Variants in SPAG16 observed in about 807,000 individuals in gnomAD.
The protein encoded by SPAG16 is sperm-associated antigen 16 protein.
SPAG16 carries 86 observed loss-of-function variants against 80.4 expected under a neutral mutation model. The ratio of observed to expected loss-of-function variants is 1.07; its 90% confidence interval spans 0.90 to 1.28. The LOEUF is 1.28. Ranked by LOEUF, SPAG16 falls within the 50% of genes most tolerant of loss-of-function variation. The pLI, the probability that SPAG16 is intolerant of heterozygous loss-of-function variation, is 0.00. For missense variants in SPAG16, 870 were observed against 765.3 expected (o/e 1.14, Z -1.61); for synonymous variants, 294 against 265.9 (o/e 1.11, Z -1.03).
At chr2:213,543,722 T>C (rs2076527273) in intron 10 of SPAG16, among the ~76,000 whole-genome samples, 1 of 152,008 alleles carries the variant, frequency 6.6e-6, no homozygotes, top group Non-Finnish European at 1.5e-5. Context: ...GTTGGTATAA[T>C]GAGCCTCCCC....
intron 9 of SPAG16, among the ~76,000 whole-genome samples, chr2:213,477,871 A>C (rs2125685119): frequency 6.6e-6 from 1 of 152,254 alleles, no homozygotes; most frequent in African/African-American, 2.4e-5. Flanking sequence ...GCAGAATGAT[A>C]TGGTTAGTTT....
At chr2:213,358,347 A>T (rs897465964) in intron 7 of SPAG16, among the ~76,000 whole-genome samples, 1 of 152,122 alleles carries the variant, frequency 6.6e-6, no homozygotes, top group Non-Finnish European at 1.5e-5. Context: ...TATCCTGAAG[A>T]GTGTTTTCTA....
chr2:213,878,126 G>A (rs996228968), intron 11 of SPAG16, among the ~76,000 whole-genome samples: 2 of 151,998 alleles, frequency 1.3e-5, no homozygotes, highest in Non-Finnish European at 2.9e-5. Context: ...TACTCATTTT[G>A]AATTCTCTCT....
intron 12 of SPAG16, among the ~76,000 whole-genome samples, chr2:213,949,179 T>TTTTTTTTTTTGTTTTTTTG (rs1553677669): frequency 5.5e-5 from 2 of 36,264 alleles, no homozygotes; most frequent in African/African-American, 1.6e-4. Context: ...GTTTTTTTTT[T>TTTTTTTTTTTGTTTTTTTG]TTTTTTTTTT....
At chr2:213,493,881 A>G (rs1156331525) in intron 10 of SPAG16, among the ~76,000 whole-genome samples, 1 of 152,188 alleles carries the variant, frequency 6.6e-6, no homozygotes, top group Non-Finnish European at 1.5e-5. Flanking sequence ...GGAGGCTGAC[A>G]AAAGTGCGGA....
chr2:214,284,409 T>C (rs148873549), intron 15 of SPAG16, among the ~76,000 whole-genome samples: 129 of 152,290 alleles, frequency 8.5e-4, no homozygotes, highest in African/African-American at 2.6e-3. Flanking sequence ...ATTTATATAG[T>C]ATTTCTCCTT....
At chr2:214,044,493 T>C (rs568598721) in intron 13 of SPAG16, among the ~76,000 whole-genome samples, 1 of 152,192 alleles carries the variant, frequency 6.6e-6, no homozygotes, top group African/African-American at 2.4e-5. Flanking sequence ...TGGAAGAATA[T>C]AAAGCTTCAT....
chr2:213,867,926 C>CAAAAAAAAAAAAAAAA (rs35795865), intron 11 of SPAG16, among the ~76,000 whole-genome samples: 6 of 45,872 alleles, frequency 1.3e-4, no homozygotes, highest in South Asian at 1.8e-3. Flanking sequence ...TCTGTCTCAA[C>CAAAAAAAAAAAAAAAA]AAAAAAAAAA....
Position 213,409,037 on chromosome 2 carries a change from GA to G in SPAG16, c.942+33928del, listed in dbSNP as rs1174706687. ...AAAAAGAATGGTTATCTTCAAGAGGGAAAAAAAAAAGTGGGGTGGGAGAATT... is the reference window on the plus strand; with the variant it reads ...AAAAAGAATGGTTATCTTCAAGAGGGAAAAAAAAAGTGGGGTGGGAGAATT... On this transcript the variant is annotated intron_variant, in intron 9 of 15. Transcript: ENST00000331683. Among the ~76,000 whole-genome samples the G allele has an allele frequency of 4.8e-3, 691 of 144,972 alleles. 5 individuals are homozygous for G. Among genetic ancestry groups the G allele is most frequent in the African/African-American group, 0.015 (601 of 39,678 alleles).
At chr2:213,926,799 C>T (rs1456730622) in intron 11 of SPAG16, among the ~76,000 whole-genome samples, 1 of 152,116 alleles carries the variant, frequency 6.6e-6, no homozygotes, top group South Asian at 2.1e-4. Flanking sequence ...GTCATGGCTT[C>T]TTATTTCCCA....
At chr2:213,834,758 A>G (rs1409891997) in intron 10 of SPAG16, among the ~76,000 whole-genome samples, 2 of 152,122 alleles carry the variant, frequency 1.3e-5, no homozygotes, top group East Asian at 3.8e-4. Context: ...TTGGGGTATC[A>G]TTTTCTGAGT....
intron 11 of SPAG16, among the ~76,000 whole-genome samples, chr2:213,907,006 A>T (rs2077460015): frequency 6.6e-6 from 1 of 152,214 alleles, no homozygotes; most frequent in South Asian, 2.1e-4. Context: ...AAAAGTAGAC[A>T]GATGGGTCTA....
At chr2:213,604,272 T>G (rs933631810) in intron 10 of SPAG16, among the ~76,000 whole-genome samples, 1 of 152,220 alleles carries the variant, frequency 6.6e-6, no homozygotes, top group African/African-American at 2.4e-5. Flanking sequence ...ATTTAAATTG[T>G]CATTTCCCTT....
At chr2:214,289,746 T>A in intron 15 of SPAG16, among the ~76,000 whole-genome samples, 1 of 149,870 alleles carries the variant, frequency 6.7e-6, no homozygotes, top group East Asian at 1.9e-4. Context: ...TCTATAATTT[T>A]TTTTAATTCT....
intron 12 of SPAG16, among the ~76,000 whole-genome samples, chr2:214,010,193 G>A: frequency 6.9e-6 from 1 of 145,684 alleles, no homozygotes; most frequent in African/African-American, 2.7e-5. Flanking sequence ...CTAGAAAACA[G>A]AAATAAAAGC....
chr2:213,394,268 T>C (rs536702826), intron 9 of SPAG16, among the ~76,000 whole-genome samples: 1 of 152,138 alleles, frequency 6.6e-6, no homozygotes, highest in Non-Finnish European at 1.5e-5. Context: ...AATATAATTA[T>C]CTAAATCAAG....
chr2:214,041,978 G>GTGTATATATATATATATA (rs1410396491), intron 13 of SPAG16, among the ~76,000 whole-genome samples: 10 of 116,358 alleles, frequency 8.6e-5, no homozygotes, highest in African/African-American at 2.9e-4. Flanking sequence ...GTCTGTGTGT[G>GTGTATATATATATATATA]TATATATATA....
At chr2:213,759,411 CT>C (rs1559444722) in intron 10 of SPAG16, among the ~76,000 whole-genome samples, 1 of 151,582 alleles carries the variant, frequency 6.6e-6, no homozygotes, top group East Asian at 1.9e-4. Flanking sequence ...ATTTAAGAGA[CT>C]AATGAATTTA....
intron 10 of SPAG16, among the ~76,000 whole-genome samples, chr2:213,579,192 T>G (rs1278099451): frequency 1.3e-5 from 2 of 152,164 alleles, no homozygotes; most frequent in Non-Finnish European, 2.9e-5. Flanking sequence ...TAAATTCATC[T>G]CTTTATAACT....
Sources: allele counts gnomAD v4.1 joint callset (sites outside exome capture counted in the v4.1 genomes callset), GRCh38; gene constraint gnomAD v4.1.1; transcripts MANE v1.5; gene names NCBI Gene and HGNC (gene_info 2026-07-23, HGNC 2026-07-21).